CDK5RAP1: variants seen among roughly 807,000 people sequenced by gnomAD.
The protein encoded by CDK5RAP1 is mitochondrial tRNA methylthiotransferase CDK5RAP1.
A neutral mutation model predicts 64.5 loss-of-function variants in CDK5RAP1; 62 were observed. The observed-to-expected ratio is 0.96, with a 90% CI of 0.78 to 1.19. The LOEUF is 1.19. Among genes scored for constraint, CDK5RAP1 ranks in the 50% most tolerant of loss-of-function variants. The pLI is 0.00. For synonymous variants in CDK5RAP1, 250 were observed against 261.9 expected (o/e 0.95, Z 0.44); for missense variants, 657 against 735.0 (o/e 0.89, Z 1.23).
intron 5 of CDK5RAP1, among the ~76,000 whole-genome samples, chr20:33,389,048 C>G (rs1176783168): frequency 2.0e-5 from 3 of 152,190 alleles, no homozygotes; most frequent in East Asian, 1.9e-4. Context: ...GCCGCCACCC[C>G]GTCTGGGAAG....
chr20:33,396,334 C>T (rs1057382166), intron 2 of CDK5RAP1, among the ~76,000 whole-genome samples: 3 of 152,226 alleles, frequency 2.0e-5, no homozygotes. Context: ...ACCAGCAGGT[C>T]TTATTTCCAG....
chr20:33,382,776 G>A (rs1055960224), intron 7 of CDK5RAP1, among the ~76,000 whole-genome samples: 4 of 151,202 alleles, frequency 2.6e-5, no homozygotes, highest in African/African-American at 9.7e-5. Context: ...GAGGCAGGAG[G>A]ATCACTTGAG....
At chr20:33,390,539 A>C (rs1988200035) in intron 5 of CDK5RAP1, among the ~76,000 whole-genome samples, 1 of 152,136 alleles carries the variant, frequency 6.6e-6, no homozygotes, top group East Asian at 1.9e-4. Flanking sequence ...CTGCAGATGG[A>C]TGGTGGTGAT....
At chr20:33,391,249 TAAA>T (rs60730257) in intron 5 of CDK5RAP1, among the ~76,000 whole-genome samples, 4 of 107,360 alleles carry the variant, frequency 3.7e-5, no homozygotes, top group Admixed American at 2.2e-4. Flanking sequence ...ACTCTGTTTT[TAAA>T]AAAAAAAAAA....
At chr20:33,369,249 C>T (rs543436407) in intron 11 of CDK5RAP1, among the ~76,000 whole-genome samples, 2 of 151,872 alleles carry the variant, frequency 1.3e-5, no homozygotes, top group East Asian at 1.9e-4. Flanking sequence ...TTTGGGAGGC[C>T]GAGGCGGGCA....
Position 33,366,920 on chromosome 20 carries a change from T to C in CDK5RAP1, c.1481A>G (p.Glu494Gly), listed in dbSNP as rs146450391. 3.1e-6 allele frequency: 5 copies of C among 1,614,068 alleles called. No individual in the cohort carries two copies. The highest frequency in any genetic ancestry group is 2.7e-5 in the African/African-American group (2 of 75,002). The change falls in exon 12 of 14, where the codon GAA (glutamate) becomes GGA (glycine). Residue 494 changes from glutamate to glycine, a missense_variant. Glu to Gly is a moderately conservative substitution (Grantham distance 98). Coordinates refer to ENST00000346416, the MANE Select transcript of CDK5RAP1 (RefSeq NM_016408.4). ...GGTCTGATTGGCTTTTGTTGCTTCT[T>C]CTCGGAAGATAGTGATGAGTTCCTC... ...RLEELITIFR[E>G]EATKANQTSV...
intron 2 of CDK5RAP1, among the ~76,000 whole-genome samples, chr20:33,395,852 A>G (rs1290346068): frequency 6.6e-6 from 1 of 152,030 alleles, no homozygotes; most frequent in Non-Finnish European, 1.5e-5. Flanking sequence ...GGTCTCCACT[A>G]AAAATACAAA....
intron 5 of CDK5RAP1, among the ~76,000 whole-genome samples, chr20:33,389,180 A>G (rs1279236235): frequency 6.6e-6 from 1 of 151,262 alleles, no homozygotes; most frequent in Admixed American, 6.6e-5. Context: ...GGAAGTGAGC[A>G]GCGTCTCTGC....
rs1394377690 is a variant in CDK5RAP1, at chr20:33,379,500, G to T, written c.1068C>A (p.Ile356=). ...QVSRVDPEMR[I]RFTSPHPKDF... ...CCTTGGGGTGGGGAGAGGTAAAACG[G>T]ATCCTCATTTCAGGATCTACTCTGG... The change falls in exon 8 of 14, where the codon ATC becomes ATA. Residue 356 remains isoleucine (I), a synonymous_variant. Transcript: ENST00000346416. 1 of 1,613,886 alleles carries T rather than the reference G, an allele frequency of 6.2e-7. No homozygotes were observed. The highest frequency in any genetic ancestry group is 8.5e-7 in the Non-Finnish European group (1 of 1,179,916).
chr20:33,389,273 G>A (rs1348412627), intron 5 of CDK5RAP1, among the ~76,000 whole-genome samples: 3 of 149,670 alleles, frequency 2.0e-5, no homozygotes, highest in Admixed American at 2.0e-4. Context: ...CTGCCCGGCC[G>A]CGACCCCGTC....
At chr20:33,388,990 G>A (rs1023314062) in intron 5 of CDK5RAP1, among the ~76,000 whole-genome samples, 12 of 152,198 alleles carry the variant, frequency 7.9e-5, no homozygotes, top group African/African-American at 2.9e-4. Context: ...CCACCTCCCA[G>A]CCGCCTGCCT....
intron 12 of CDK5RAP1, among the ~76,000 whole-genome samples, chr20:33,366,363 C>T (rs925188702): frequency 8.0e-5 from 12 of 149,596 alleles, no homozygotes; most frequent in African/African-American, 2.9e-4. Flanking sequence ...GGCTCATGCC[C>T]GTAATCCTAG....
chr20:33,400,294 C>G (rs1989282879), intron 1 of CDK5RAP1, among the ~76,000 whole-genome samples: 1 of 152,208 alleles, frequency 6.6e-6, no homozygotes, highest in African/African-American at 2.4e-5. Context: ...AGATGTGGCC[C>G]ATTACCTTTC....
intron 8 of CDK5RAP1, among the ~76,000 whole-genome samples, chr20:33,375,582 A>G (rs1438191568): frequency 6.6e-6 from 1 of 152,130 alleles, no homozygotes; most frequent in East Asian, 1.9e-4. Flanking sequence ...GTCGGGGCCA[A>G]AAGAAAGACT....
At chr20:33,371,694 A>C (rs1239484840) in intron 10 of CDK5RAP1, among the ~76,000 whole-genome samples, 1 of 152,104 alleles carries the variant, frequency 6.6e-6, no homozygotes, top group Non-Finnish European at 1.5e-5. Flanking sequence ...GAGGCACAAG[A>C]ATCGCTTGAA....
At chr20:33,387,182 G>A (rs1228342367) in intron 6 of CDK5RAP1, 141 bp downstream of exon 6, 1 of 638,056 alleles carries the variant, frequency 1.6e-6, no homozygotes, top group Non-Finnish European at 2.7e-6. Context: ...CAAGAGCCCA[G>A]GAGGTCAAGG....
chr20:33,387,197 A>C (rs1327580293), intron 6 of CDK5RAP1, 126 bp downstream of exon 6: 3 of 689,732 alleles, frequency 4.3e-6, no homozygotes, highest in Non-Finnish European at 7.3e-6. Flanking sequence ...TCAAGGCTGC[A>C]GTGAGCCCTG....
rs1484233380 is a variant in CDK5RAP1, at chr20:33,360,368, C to A, written c.1666G>T (p.Asp556Tyr). 5 of 1,613,956 alleles carry A rather than the reference C, an allele frequency of 3.1e-6. No homozygotes were observed. Among genetic ancestry groups the A allele is most frequent in the Middle Eastern group, 1.6e-4 (1 of 6,084 alleles). ...CTCCTCACCTTCACCAGCACATAGT[C>A]CCCAGGCTGGGCTCTGACCCTGAGC... ...PGLRVRAQPG[D>Y]YVLVKITSAS... Residue 556 changes from aspartate to tyrosine, a missense_variant, in exon 13 of 14, where the codon GAC (aspartate) becomes TAC (tyrosine). Asp to Tyr is a radical substitution (Grantham distance 160). Coordinates refer to ENST00000346416, the MANE Select transcript of CDK5RAP1 (RefSeq NM_016408.4).
At chr20:33,360,616 G>T in intron 12 of CDK5RAP1, 125 bp from the exon 13 acceptor site, 1 of 804,818 alleles carries the variant, frequency 1.2e-6, no homozygotes, top group South Asian at 1.8e-5. Context: ...CTTAACCAAG[G>T]AATCACTGAA....
Sources: allele counts gnomAD v4.1 joint callset (sites outside exome capture counted in the v4.1 genomes callset), GRCh38; gene constraint gnomAD v4.1.1; transcripts MANE v1.5; gene names NCBI Gene and HGNC (gene_info 2026-07-23, HGNC 2026-07-21).